Variants in AMPD3 observed in about 807,000 individuals in gnomAD.
AMPD3 encodes adenosine monophosphate deaminase 3.
AMPD3 carries 57 observed loss-of-function variants against 82.3 expected under a neutral mutation model. The ratio of observed to expected loss-of-function variants is 0.69; its 90% CI spans 0.56 to 0.86. AMPD3 has a LOEUF of 0.86. AMPD3 is among the 40% of genes least tolerant of loss of function. The pLI is 0.00. For missense variants in AMPD3, 870 were observed against 1,003.8 expected, an observed-to-expected ratio of 0.87 and a Z score of 1.80; for synonymous variants, 381 against 394.7, an observed-to-expected ratio of 0.97 and a Z score of 0.41.
At chr11:10,452,902 G>T (rs1847995333), upstream of AMPD3, among the ~76,000 whole-genome samples, 1 of 152,188 alleles carries the variant, frequency 6.6e-6, no homozygotes, top group Non-Finnish European at 1.5e-5. Context: ...ATACAACTAA[G>T]TGGTGGAACA....
intron 1 of AMPD3, among the ~76,000 whole-genome samples, chr11:10,460,085 A>T (rs544231168): frequency 5.1e-4 from 73 of 142,276 alleles, no homozygotes; most frequent in African/African-American, 1.4e-3. Context: ...TATATATTTT[A>T]TATATATATA....
At chr11:10,500,651 A>C (rs1849552321) in intron 11 of AMPD3, 4 of 985,330 alleles carry the variant, frequency 4.1e-6, no homozygotes, top group Admixed American at 1.2e-4. Flanking sequence ...TGCCACACCA[A>C]CAATGTCCAC....
upstream of AMPD3, among the ~76,000 whole-genome samples, chr11:10,451,918 G>T (rs200452173): frequency 1.3e-5 from 2 of 152,186 alleles, no homozygotes; most frequent in East Asian, 3.9e-4. Context: ...GACAGACAGA[G>T]CCTCTGTCAC....
At chr11:10,498,969 A>G (rs1228202134) in intron 10 of AMPD3, among the ~76,000 whole-genome samples, 1 of 152,192 alleles carries the variant, frequency 6.6e-6, no homozygotes, top group Non-Finnish European at 1.5e-5. Flanking sequence ...GGTCCCAGCC[A>G]AGGTAGAACT....
intron 7 of AMPD3, among the ~76,000 whole-genome samples, chr11:10,493,880 T>C (rs1356390187): frequency 6.6e-6 from 1 of 152,190 alleles, no homozygotes; most frequent in East Asian, 1.9e-4. Flanking sequence ...TAAAAAAATA[T>C]TAAAACACTA....
chr11:10,469,596 A>G (rs1158761746), intron 2 of AMPD3, among the ~76,000 whole-genome samples: 10 of 152,230 alleles, frequency 6.6e-5, no homozygotes, highest in Non-Finnish European at 1.3e-4. Context: ...ATTCCTTCTG[A>G]AACTATTCCC....
At chr11:10,471,656 C>G (rs551704482) in intron 2 of AMPD3, among the ~76,000 whole-genome samples, 1 of 152,284 alleles carries the variant, frequency 6.6e-6, no homozygotes, top group African/African-American at 2.4e-5. Context: ...AGACACTTCT[C>G]AAAAGAAGAC....
chr11:10,450,444 G>A (rs1197575825), upstream of AMPD3: 10 of 986,042 alleles, frequency 1.0e-5, no homozygotes, highest in Admixed American at 6.1e-5. Context: ...CAGGGAGCAA[G>A]TCACCTGTGC....
chr11:10,482,287 T>C, intron 4 of AMPD3, 62 bp downstream of exon 4: 1 of 1,575,824 alleles, frequency 6.3e-7, no homozygotes, highest in East Asian at 2.3e-5. Flanking sequence ...TAGTCAGGGC[T>C]TTTTTCTGGC....
At chr11:10,473,798 AG>A (rs1312769983) in intron 2 of AMPD3, among the ~76,000 whole-genome samples, 3 of 152,164 alleles carry the variant, frequency 2.0e-5, no homozygotes, top group African/African-American at 7.2e-5. Flanking sequence ...GAGCCAATGC[AG>A]GGGCAGCGTG....
At chr11:10,463,838 G>A (rs1026645189) in intron 2 of AMPD3, among the ~76,000 whole-genome samples, 8 of 152,162 alleles carry the variant, frequency 5.3e-5, no homozygotes, top group Non-Finnish European at 1.2e-4. Flanking sequence ...ATCTGTCTGC[G>A]CCATTTGACT....
intron 13 of AMPD3, 44 bp from the exon 14 acceptor site, chr11:10,504,505 G>A: frequency 6.4e-7 from 1 of 1,564,552 alleles, no homozygotes; most frequent in Non-Finnish European, 8.8e-7. Flanking sequence ...CGATTGACAT[G>A]GATATCCCCC....
chr11:10,450,826 C>G, upstream of AMPD3: 1 of 1,193,082 alleles, frequency 8.4e-7, no homozygotes, highest in Non-Finnish European at 1.0e-6. Flanking sequence ...GGCGGCCCTC[C>G]CTCCTCCCGC....
At chr11:10,504,879 C>T (rs1029187650) in intron 14 of AMPD3, among the ~76,000 whole-genome samples, 8 of 152,194 alleles carry the variant, frequency 5.3e-5, no homozygotes, top group Admixed American at 3.3e-4. Flanking sequence ...CTTCCCTGAT[C>T]GCCCATTCTA....
intron 8 of AMPD3, chr11:10,495,369 A>G (rs1015162226): frequency 5.1e-6 from 5 of 985,332 alleles, no homozygotes; most frequent in Non-Finnish European, 6.0e-6. Context: ...TGCAGACCCA[A>G]GGCCTTCCTC....
intron 9 of AMPD3, 140 bp from the exon 10 acceptor site, chr11:10,496,672 T>A (rs866142562): frequency 6.7e-7 from 1 of 1,489,868 alleles, no homozygotes; most frequent in Non-Finnish European, 9.2e-7. Flanking sequence ...AGAGGAGGGA[T>A]CTGTTTTCTG....
intron 1 of AMPD3, among the ~76,000 whole-genome samples, chr11:10,458,563 C>T (rs1038782063): frequency 6.6e-6 from 1 of 152,228 alleles, no homozygotes; most frequent in African/African-American, 2.4e-5. Context: ...TAAAGGGATG[C>T]ATTTTCCTTT....
chr11:10,484,381 C>T, intron 4 of AMPD3: 1 of 985,380 alleles, frequency 1.0e-6, no homozygotes, highest in South Asian at 4.7e-5. Flanking sequence ...CAGTTATTCC[C>T]ACTGGGCAGT....
chr11:10,460,905 A>G, intron 1 of AMPD3: 1 of 985,422 alleles, frequency 1.0e-6, no homozygotes, highest in Non-Finnish European at 1.2e-6. Flanking sequence ...AGCTGGGTAA[A>G]GAGTGTTCTA....
Sources: gnomAD v4.1 joint callset for allele counts (sites outside exome capture counted in the v4.1 genomes callset) on GRCh38, gnomAD v4.1.1 for gene constraint, MANE v1.5 for transcripts, NCBI Gene and HGNC (gene_info 2026-07-23, HGNC 2026-07-21) for gene names.